NKAIN3: variants seen among roughly 807,000 people sequenced by gnomAD.
The protein encoded by NKAIN3 is sodium/potassium-transporting ATPase subunit beta-1-interacting protein 3.
A neutral mutation model predicts 30.2 loss-of-function variants in NKAIN3; 25 were observed. The observed-to-expected ratio is 0.83, with a 90% CI of 0.60 to 1.16. The LOEUF (loss-of-function observed/expected upper bound fraction) is 1.16, where lower values mean the gene tolerates loss of function less well. Ranked by LOEUF, NKAIN3 falls within the 50% of genes most tolerant of loss-of-function variation. The pLI, the probability that NKAIN3 is intolerant of heterozygous loss-of-function variation, is 0.00. For synonymous variants in NKAIN3, 91 were observed against 89.6 expected, an observed-to-expected ratio of 1.02 and a Z score of -0.09; for missense variants, 225 against 254.1, an observed-to-expected ratio of 0.89 and a Z score of 0.78.
intron 4 of NKAIN3, among the ~76,000 whole-genome samples, chr8:62,810,638 G>GTTT (rs3032376): frequency 0.02 from 2,450 of 120,076 alleles, 112 homozygotes; most frequent in African/African-American, 0.066. Context: ...TAGGTAGAAA[G>GTTT]TTTTTTTTTT....
intron 3 of NKAIN3, among the ~76,000 whole-genome samples, chr8:62,744,013 G>A (rs1229309969): frequency 6.6e-6 from 1 of 152,182 alleles, no homozygotes; most frequent in South Asian, 2.1e-4. Flanking sequence ...ATGGCCAGCT[G>A]TGGGAGAAAA....
intron 5 of NKAIN3, among the ~76,000 whole-genome samples, chr8:62,943,976 A>T (rs187606200): frequency 6.6e-6 from 1 of 152,106 alleles, no homozygotes; most frequent in East Asian, 1.9e-4. Context: ...TCAAAGGCAT[A>T]AGAATGACAT....
intron 5 of NKAIN3, among the ~76,000 whole-genome samples, chr8:62,932,992 A>G (rs867692206): frequency 1.4e-5 from 2 of 137,938 alleles, no homozygotes; most frequent in Middle Eastern, 7.1e-3. Flanking sequence ...GCCTCACTCA[A>G]TGAACACACA....
chr8:62,524,912 A>G (rs1048699327), intron 1 of NKAIN3, among the ~76,000 whole-genome samples: 1 of 152,146 alleles, frequency 6.6e-6, no homozygotes, highest in Non-Finnish European at 1.5e-5. Flanking sequence ...ATATGGTCAT[A>G]TTAAAGATGT....
At chr8:62,775,290 T>C (rs1372577579) in intron 4 of NKAIN3, among the ~76,000 whole-genome samples, 1 of 151,952 alleles carries the variant, frequency 6.6e-6, no homozygotes, top group Non-Finnish European at 1.5e-5. Context: ...TGGGTCTTCG[T>C]TCATTTTTTT....
chr8:62,678,706 TATA>T (rs973433984), intron 3 of NKAIN3, among the ~76,000 whole-genome samples: 46 of 150,606 alleles, frequency 3.1e-4, no homozygotes, highest in Admixed American at 1.1e-3. Flanking sequence ...GATAATATAA[TATA>T]ATGATGTATT....
At chr8:62,789,097 G>A (rs937268046) in intron 4 of NKAIN3, among the ~76,000 whole-genome samples, 2 of 151,920 alleles carry the variant, frequency 1.3e-5, no homozygotes, top group East Asian at 3.9e-4. Flanking sequence ...GATGGGGATG[G>A]CATTGAATCT....
At chr8:62,282,763 T>C (rs370195844) in intron 1 of NKAIN3, among the ~76,000 whole-genome samples, 1 of 152,184 alleles carries the variant, frequency 6.6e-6, no homozygotes, top group African/African-American at 2.4e-5. Context: ...AAATTGTTTT[T>C]GAATATTCAA....
intron 4 of NKAIN3, among the ~76,000 whole-genome samples, chr8:62,776,102 TC>T (rs1456664581): frequency 6.6e-6 from 1 of 152,164 alleles, no homozygotes; most frequent in African/African-American, 2.4e-5. Flanking sequence ...GCTTTTTGTT[TC>T]CATTTGCATG....
chr8:62,723,322 T>A (rs552909405), intron 3 of NKAIN3, among the ~76,000 whole-genome samples: 232 of 152,170 alleles, frequency 1.5e-3, no homozygotes, highest in Middle Eastern at 3.4e-3. Flanking sequence ...ACACAAAAAA[T>A]TGTTTTGTGT....
chr8:62,525,861 A>C (rs1585906696), intron 1 of NKAIN3, among the ~76,000 whole-genome samples: 2 of 152,154 alleles, frequency 1.3e-5, no homozygotes, highest in Non-Finnish European at 2.9e-5. Context: ...AGTTTCAAAA[A>C]TTGGAGTTAA....
intron 4 of NKAIN3, among the ~76,000 whole-genome samples, chr8:62,813,585 A>T (rs2130718092): frequency 6.6e-6 from 1 of 151,388 alleles, no homozygotes; most frequent in Admixed American, 6.6e-5. Context: ...GTTGTTTTTA[A>T]TAGATGAGGA....
intron 3 of NKAIN3, among the ~76,000 whole-genome samples, chr8:62,595,888 C>A (rs574865282): frequency 6.6e-6 from 1 of 151,900 alleles, no homozygotes; most frequent in East Asian, 2.0e-4. Context: ...GCATCTGGAG[C>A]TCCATTTGAA....
At chr8:62,644,557 A>G (rs1277921314) in intron 3 of NKAIN3, among the ~76,000 whole-genome samples, 1 of 152,112 alleles carries the variant, frequency 6.6e-6, no homozygotes, top group Non-Finnish European at 1.5e-5. Context: ...ATTCAGAACT[A>G]CTACTTTTAG....
chr8:62,415,550 C>T (rs1804417831), intron 1 of NKAIN3, among the ~76,000 whole-genome samples: 2 of 150,116 alleles, frequency 1.3e-5, no homozygotes, highest in African/African-American at 4.9e-5. Flanking sequence ...CATATAGACT[C>T]CACTCTTTCA....
At chr8:62,259,917 A>G (rs972525788) in intron 1 of NKAIN3, among the ~76,000 whole-genome samples, 1 of 152,172 alleles carries the variant, frequency 6.6e-6, no homozygotes, top group Non-Finnish European at 1.5e-5. Flanking sequence ...AGTACTGACA[A>G]GGGCTCTAAT....
chr8:62,947,263 C>CA (rs1485102968), intron 5 of NKAIN3, among the ~76,000 whole-genome samples: 1 of 152,174 alleles, frequency 6.6e-6, no homozygotes, highest in Non-Finnish European at 1.5e-5. Context: ...TCCCCTCCTT[C>CA]ACTGAGGCAG....
intron 3 of NKAIN3, among the ~76,000 whole-genome samples, chr8:62,636,681 T>C (rs76102205): frequency 0.024 from 3,583 of 152,284 alleles, 155 homozygotes; most frequent in African/African-American, 0.082. Context: ...TTGATGAAAC[T>C]TCTTTTTCTA....
At chr8:62,866,050 A>G (rs1212880919) in intron 4 of NKAIN3, among the ~76,000 whole-genome samples, 6 of 152,336 alleles carry the variant, frequency 3.9e-5, no homozygotes, top group African/African-American at 9.6e-5. Context: ...TAAAATATGC[A>G]TAATAATTTA....
Sources: gnomAD v4.1 joint callset for allele counts (sites outside exome capture counted in the v4.1 genomes callset) on GRCh38, gnomAD v4.1.1 for gene constraint, MANE v1.5 for transcripts, NCBI Gene and HGNC (gene_info 2026-07-23, HGNC 2026-07-21) for gene names.